Variants in ANKRD11 observed in about 807,000 individuals in gnomAD.
The protein encoded by ANKRD11 is ankyrin repeat domain-containing protein 11.
Under a neutral mutation model 195.7 loss-of-function variants are expected in ANKRD11, and 17 were observed. That is an observed-to-expected ratio of 0.09 (90% CI 0.06 to 0.13). The LOEUF is 0.13. ANKRD11 is among the 10% of genes least tolerant of loss of function. The pLI is 1.00. For synonymous variants in ANKRD11, 1,953 were observed against 1,528.1 expected, an observed-to-expected ratio of 1.28 and a Z score of -6.49; for missense variants, 3,735 against 3,566.1, an observed-to-expected ratio of 1.05 and a Z score of -1.21.
chr16:89,402,506 C>T (rs148097154), intron 2 of ANKRD11, among the ~76,000 whole-genome samples: 2 of 151,924 alleles, frequency 1.3e-5, no homozygotes, highest in East Asian at 3.9e-4. Flanking sequence ...ACAGGGAGAC[C>T]CCGCCTCTAG....
intron 3 of ANKRD11, among the ~76,000 whole-genome samples, chr16:89,315,545 C>T (rs2036900907): frequency 6.6e-6 from 1 of 152,352 alleles, no homozygotes; most frequent in African/African-American, 2.4e-5. Context: ...CGTGTGTCCC[C>T]GCCTGTGAGC....
At chr16:89,408,198 G>A (rs556669469) in intron 2 of ANKRD11, among the ~76,000 whole-genome samples, 4 of 152,272 alleles carry the variant, frequency 2.6e-5, no homozygotes, top group South Asian at 2.1e-4. Context: ...ACAGATACTC[G>A]GCCAAGAAAC....
Position 89,280,599 on chromosome 16 carries a change from C to A in ANKRD11, c.5943G>T (p.Leu1981=), listed in dbSNP as rs375457115. The change falls in exon 9 of 13, where the codon CTG becomes CTT. Residue 1981 remains leucine (L), a synonymous_variant. Transcript: ENST00000301030. ...VSWPVGSDLL[L]KSPQRFPESP... ...ACTCGGGGAATCTCTGTGGAGACTTCAGCAGGAGGTCCGAGCCCACAGGCC... is the reference window on the plus strand; with the variant it reads ...ACTCGGGGAATCTCTGTGGAGACTTAAGCAGGAGGTCCGAGCCCACAGGCC... 2.5e-6 allele frequency: 4 copies of A among 1,613,350 alleles called. No homozygotes were observed. The highest frequency in any genetic ancestry group is 1.3e-5 in the African/African-American group (1 of 74,918).
chr16:89,302,984 AAC>A (rs2035949512), intron 4 of ANKRD11, among the ~76,000 whole-genome samples: 1 of 152,114 alleles, frequency 6.6e-6, no homozygotes, highest in African/African-American at 2.4e-5. Context: ...GCTAACCATC[AAC>A]AGACAGACCC....
intron 1 of ANKRD11, among the ~76,000 whole-genome samples, chr16:89,458,385 C>T (rs574131599): frequency 5.3e-5 from 8 of 152,166 alleles, no homozygotes; most frequent in South Asian, 2.1e-4. Flanking sequence ...CCACCACGCC[C>T]GGCTAATTTT....
chr16:89,436,910 A>T (rs2043238860), intron 1 of ANKRD11, among the ~76,000 whole-genome samples: 1 of 152,216 alleles, frequency 6.6e-6, no homozygotes. Context: ...TAACTGAATA[A>T]AATTTAATAT....
At chr16:89,364,533 C>T (rs569516197) in intron 2 of ANKRD11, among the ~76,000 whole-genome samples, 1 of 152,170 alleles carries the variant, frequency 6.6e-6, no homozygotes, top group Non-Finnish European at 1.5e-5. Context: ...CTCAAAACAG[C>T]GCTGAGCACA....
At chr16:89,377,268 GGAGA>G (rs141718850) in intron 2 of ANKRD11, among the ~76,000 whole-genome samples, 3 of 150,592 alleles carry the variant, frequency 2.0e-5, no homozygotes, top group South Asian at 2.1e-4. Flanking sequence ...TGTCAACATG[GGAGA>G]GAGAGAGAGA....
chr16:89,283,718 T>C lies in ANKRD11; in HGVS notation c.2824A>G (p.Arg942Gly). ...TCCCGCCCGGCCTCTGCGGACTCTC[T>C]CCTCTTCTTGTCCTTTTCCGAAAGG... is the stretch of plus-strand genomic sequence containing the variant. ...GYLSEKDKKR[R>G]ESAEAGRDRK... The change falls in exon 9 of 13, where the codon AGA becomes GGA. Residue 942 changes from arginine to glycine, a missense_variant. Arg to Gly is a moderately radical substitution (Grantham distance 125). Coordinates refer to ENST00000301030, the MANE Select transcript of ANKRD11 (RefSeq NM_013275.6). The surrounding 1 kb of genome is among the most constrained non-coding windows in gnomAD (Gnocchi z 4.3). The C allele has an allele frequency of 6.2e-7, 1 of 1,613,648 alleles. No homozygotes were observed.
chr16:89,455,054 C>G (rs373743709), intron 1 of ANKRD11, among the ~76,000 whole-genome samples: 305 of 15,736 alleles, frequency 0.019, no homozygotes, highest in Admixed American at 0.028. Flanking sequence ...GTGCTTCTAG[C>G]GTTCCTCAAG....
At chr16:89,386,053 C>A (rs886272671) in intron 2 of ANKRD11, among the ~76,000 whole-genome samples, 4 of 152,224 alleles carry the variant, frequency 2.6e-5, no homozygotes, top group African/African-American at 7.2e-5. Flanking sequence ...AAACTGGGTC[C>A]AATTTGTCTG....
intron 10 of ANKRD11, 43 bp from the exon 11 acceptor site, chr16:89,275,000 C>T (rs931953835): frequency 6.2e-7 from 1 of 1,612,600 alleles, no homozygotes. Flanking sequence ...CACAGCCACG[C>T]TCCAGGCCCC....
At chr16:89,339,826 CT>C (rs1318838207) in intron 2 of ANKRD11, 19 of 152,326 alleles carry the variant, frequency 1.2e-4, no homozygotes, top group African/African-American at 4.6e-4. Flanking sequence ...CAGCGTCGAT[CT>C]GATTTTGGGG....
At chr16:89,395,153 C>A (rs548249325) in intron 2 of ANKRD11, among the ~76,000 whole-genome samples, 4 of 152,238 alleles carry the variant, frequency 2.6e-5, no homozygotes, top group Non-Finnish European at 5.9e-5. Flanking sequence ...ACCACTCAAA[C>A]GATCCAAGAG....
intron 2 of ANKRD11, among the ~76,000 whole-genome samples, chr16:89,340,526 C>T (rs1280155193): frequency 1.3e-5 from 2 of 152,232 alleles, no homozygotes; most frequent in African/African-American, 2.4e-5. Context: ...CCACCTGCCT[C>T]GGCCTCCCAA....
chr16:89,306,968 G>A (rs1178895175), intron 3 of ANKRD11, among the ~76,000 whole-genome samples: 2 of 151,340 alleles, frequency 1.3e-5, no homozygotes, highest in African/African-American at 4.9e-5. Flanking sequence ...CGCTTGGGAC[G>A]TGGGGAGGGG....
chr16:89,273,801 A>G (rs2033397691), intron 11 of ANKRD11, among the ~76,000 whole-genome samples: 1 of 152,260 alleles, frequency 6.6e-6, no homozygotes, highest in African/African-American at 2.4e-5. Context: ...GATGTTTTCA[A>G]CTAAACATCT....
intron 2 of ANKRD11, among the ~76,000 whole-genome samples, chr16:89,319,444 CG>C (rs1344723963): frequency 6.6e-6 from 1 of 152,236 alleles, no homozygotes; most frequent in Non-Finnish European, 1.5e-5. Context: ...TCCGGGGACT[CG>C]GGAGTGTTGT....
Position 89,361,949 on chromosome 16 carries a change from G to C in ANKRD11, c.-59-44871C>G, listed in dbSNP as rs373823126. ...ATGGGGTATGAGCTGGCACAGCCTT[G>C]CAACACCCTGGATGGGCGGCCAGGG... On this transcript the variant is annotated intron_variant, in intron 2 of 12. Transcript: ENST00000301030. Among the ~76,000 whole-genome samples the C allele has an allele frequency of 5.9e-5, 9 of 152,322 alleles. 2 individuals carry two copies. In the East Asian group the frequency reaches 1.7e-3, roughly 29 times the overall value.
Sources: gnomAD v4.1 joint callset for allele counts (sites outside exome capture counted in the v4.1 genomes callset) on GRCh38, gnomAD v4.1.1 for gene constraint, Gnocchi (gnomAD v3.1) non-coding constraint, MANE v1.5 for transcripts, NCBI Gene and HGNC (gene_info 2026-07-23, HGNC 2026-07-21) for gene names.